Variants in LSM14A observed in about 807,000 individuals in gnomAD.
LSM14A encodes the protein protein LSM14 homolog A.
A neutral mutation model predicts 52.4 loss-of-function variants in LSM14A; 14 were observed. The observed-to-expected ratio is 0.27, with a 90% CI of 0.18 to 0.42. LSM14A has a LOEUF of 0.42. Among genes scored for constraint, LSM14A ranks in the 10% least tolerant of loss-of-function variants. The pLI, the probability that LSM14A is intolerant of heterozygous loss-of-function variation, is 1.00. For synonymous variants in LSM14A, 185 were observed against 200.3 expected, an observed-to-expected ratio of 0.92 and a Z score of 0.64; for missense variants, 417 against 581.8, an observed-to-expected ratio of 0.72 and a Z score of 2.91.
At chr19:34,181,992 ATTCC>A (rs2145519138) in intron 1 of LSM14A, among the ~76,000 whole-genome samples, 1 of 152,138 alleles carries the variant, frequency 6.6e-6, no homozygotes, top group South Asian at 2.1e-4. Context: ...GCCATCCTTA[ATTCC>A]TCTCTCTCTG....
chr19:34,181,228 C>A (rs758902898), intron 1 of LSM14A, among the ~76,000 whole-genome samples: 1 of 152,166 alleles, frequency 6.6e-6, no homozygotes, highest in East Asian at 1.9e-4. Context: ...CCTTCCCTAA[C>A]GTATCTTTCT....
chr19:34,216,586 A>T (rs558604807), intron 6 of LSM14A, among the ~76,000 whole-genome samples: 1 of 151,696 alleles, frequency 6.6e-6, no homozygotes, highest in African/African-American at 2.4e-5. Context: ...CAGCCTCCCT[A>T]GTAGCTGGGA....
chr19:34,180,304 TTTTG>T (rs932142136), intron 1 of LSM14A, among the ~76,000 whole-genome samples: 23 of 152,196 alleles, frequency 1.5e-4, no homozygotes, highest in Admixed American at 6.5e-4. Flanking sequence ...TTGTAGGGTT[TTTTG>T]TTTGTTTGTT....
At chr19:34,174,205 A>T (rs1243247089) in intron 1 of LSM14A, among the ~76,000 whole-genome samples, 7 of 152,148 alleles carry the variant, frequency 4.6e-5, no homozygotes, top group Admixed American at 1.3e-4. Context: ...CGCCTCGGCC[A>T]CCCAAAGTGC....
rs1487655766 is a variant in LSM14A at position 34,194,608 on chromosome 19, G to A, written c.252G>A (p.Gln84=). The A allele has an allele frequency of 6.2e-7, 1 of 1,614,216 alleles. No individual in the cohort carries two copies. The highest frequency in any genetic ancestry group is 8.5e-7 in the Non-Finnish European group (1 of 1,180,040). Residue 84 remains glutamine, a synonymous_variant, in exon 2 of 10, where the codon CAG becomes CAA. Transcript: ENST00000544216. The part of the protein sequence containing the change: ...DLTVCEPPKP[Q]CSLPQDPAIV... ...CTGTTTGTGAGCCACCAAAACCACAGTGTTCTTTGCCTCAAGACCCAGCTA... is the reference window on the plus strand; with the variant it reads ...CTGTTTGTGAGCCACCAAAACCACAATGTTCTTTGCCTCAAGACCCAGCTA...
In LSM14A at chr19:34,212,278, T is replaced by C. The variant is rs1339369094; in HGVS notation, c.539-2846T>C. On this transcript the variant is annotated intron_variant, in intron 4 of 9. Transcript: ENST00000544216. Reference sequence around the variant, plus strand: ...AGGTTAAGGTGGCAGCAAGCTGTGATTGCGGCCCTGCACACTAGCCTAGGC... The same window carrying C: ...AGGTTAAGGTGGCAGCAAGCTGTGACTGCGGCCCTGCACACTAGCCTAGGC... Among the ~76,000 whole-genome samples, 3 of 152,192 alleles carry C rather than the reference T, an allele frequency of 2.0e-5. No individual in the cohort carries two copies. In the East Asian group the frequency reaches 5.8e-4, roughly 29 times the overall value.
chr19:34,224,078 C>T (rs1421905566), intron 9 of LSM14A, among the ~76,000 whole-genome samples: 1 of 152,136 alleles, frequency 6.6e-6, no homozygotes, highest in Non-Finnish European at 1.5e-5. Flanking sequence ...CCTATAATCC[C>T]AGCACTTTGG....
intron 4 of LSM14A, among the ~76,000 whole-genome samples, chr19:34,209,965 A>G (rs2145784980): frequency 6.6e-6 from 1 of 151,746 alleles, no homozygotes. Flanking sequence ...CAAGCCTCCC[A>G]CTTTAGCTTC....
intron 1 of LSM14A, among the ~76,000 whole-genome samples, chr19:34,191,315 TG>T (rs2145607965): frequency 6.6e-6 from 1 of 152,304 alleles, no homozygotes; most frequent in Admixed American, 6.5e-5. Flanking sequence ...CTATTTTCTG[TG>T]ATAAATACTA....
chr19:34,221,476 ATATGCTGAAGAT>A lies in LSM14A; in HGVS notation c.1137-27_1137-16del, dbSNP rs749405345. 6.3e-7 allele frequency: 1 copy of A among 1,599,034 alleles called. No individual in the cohort carries two copies. Among genetic ancestry groups the A allele is most frequent in the Non-Finnish European group, 8.5e-7 (1 of 1,171,588 alleles). ...GCTGAGGGATATTCTTTTAAACCTG[ATATGCTGAAGAT>A]TATTTGCTTTTATAATAGAGAACGG... On this transcript the variant is annotated intron_variant, in intron 8 of 9. Transcript: ENST00000544216.
At chr19:34,177,424 A>G (rs1163932044) in intron 1 of LSM14A, among the ~76,000 whole-genome samples, 1 of 152,232 alleles carries the variant, frequency 6.6e-6, no homozygotes, top group African/African-American at 2.4e-5. Flanking sequence ...TATATTGTCC[A>G]TATTATAATT....
intron 1 of LSM14A, among the ~76,000 whole-genome samples, chr19:34,188,897 T>C (rs2070143423): frequency 6.6e-6 from 1 of 151,854 alleles, no homozygotes; most frequent in Non-Finnish European, 1.5e-5. Context: ...GGCATTTGGG[T>C]TGTTTCTACC....
rs71165632 is a variant in LSM14A, at chr19:34,192,319, G to GTTTTTTTTTTTTTTT, written c.122-2150_122-2136dup. On this transcript the variant is annotated intron_variant, in intron 1 of 9. Coordinates refer to ENST00000544216, the MANE Select transcript of LSM14A (RefSeq NM_015578.4). ...ACACTGAAATAACATTCTTTTTGTT[G>GTTTTTTTTTTTTTTT]TTTTTTTTTTTTTTTTTTTTTTTGG... Among the ~76,000 whole-genome samples the GTTTTTTTTTTTTTTT allele has an allele frequency of 1.6e-3, 86 of 53,412 alleles. 8 individuals are homozygous for GTTTTTTTTTTTTTTT. Among genetic ancestry groups the GTTTTTTTTTTTTTTT allele is most frequent in the African/African-American group, 4.0e-3 (50 of 12,360 alleles). The allele number at this position is 53,412 out of a possible 152,430, so 35.0% of individuals were successfully genotyped here.
chr19:34,217,794 T>G (rs2072763220), intron 6 of LSM14A, among the ~76,000 whole-genome samples: 1 of 150,892 alleles, frequency 6.6e-6, no homozygotes, highest in Non-Finnish European at 1.5e-5. Context: ...TACAGAATTT[T>G]GTTTAATTTG....
At chr19:34,192,524 T>C (rs989501963) in intron 1 of LSM14A, among the ~76,000 whole-genome samples, 5 of 149,314 alleles carry the variant, frequency 3.3e-5, no homozygotes, top group African/African-American at 1.2e-4. Flanking sequence ...GAGATGGGGT[T>C]TCACCATTTT....
chr19:34,226,410 A>G, intron 9 of LSM14A: 1 of 1,488,182 alleles, frequency 6.7e-7, no homozygotes, highest in Non-Finnish European at 8.9e-7. Flanking sequence ...CCTTTCAGAA[A>G]ACCACAGCTT....
intron 1 of LSM14A, among the ~76,000 whole-genome samples, chr19:34,191,856 C>T (rs1233472294): frequency 6.6e-6 from 1 of 152,162 alleles, no homozygotes; most frequent in Non-Finnish European, 1.5e-5. Flanking sequence ...TTAGTCCTTT[C>T]TCCTCCTTAT....
chr19:34,194,447 A>G, intron 1 of LSM14A, 31 bp from the exon 2 acceptor site: 1 of 1,603,456 alleles, frequency 6.2e-7, no homozygotes, highest in Non-Finnish European at 8.5e-7. Flanking sequence ...ATGAGTAGTC[A>G]CACATCTCAT....
intron 4 of LSM14A, among the ~76,000 whole-genome samples, chr19:34,211,841 T>A (rs759551976): frequency 1.2e-4 from 18 of 152,112 alleles, no homozygotes; most frequent in Non-Finnish European, 2.5e-4. Context: ...AGTTAACAAA[T>A]TTATTGCAAA....
Sources: gnomAD v4.1 joint callset for allele counts (sites outside exome capture counted in the v4.1 genomes callset) on GRCh38, gnomAD v4.1.1 for gene constraint, MANE v1.5 for transcripts, NCBI Gene and HGNC (gene_info 2026-07-23, HGNC 2026-07-21) for gene names.